CHD1: variants seen among roughly 807,000 people sequenced by gnomAD.
The protein encoded by CHD1 is ATP-dependent chromatin remodeler CHD1.
In CHD1, 36 loss-of-function variants were observed where a neutral mutation model predicts 224.2. That is an observed-to-expected ratio of 0.16 (90% CI 0.12 to 0.21). The LOEUF is 0.21. Among genes scored for constraint, CHD1 ranks in the 10% least tolerant of loss-of-function variants. CHD1 has a pLI of 1.00. For missense variants in CHD1, 1,378 were observed against 1,994.8 expected (o/e 0.69, Z 5.89); for synonymous variants, 668 against 658.3 (o/e 1.01, Z -0.23).
chr5:98,894,502 C>A, intron 13 of CHD1, 95 bp downstream of exon 13: 1 of 437,014 alleles, frequency 2.3e-6, no homozygotes, highest in Non-Finnish European at 4.3e-6. Flanking sequence ...CTTGCTGACT[C>A]ACGATTTAGG....
chr5:98,858,592 AC>A, intron 34 of CHD1: 1 of 519,574 alleles, frequency 1.9e-6, no homozygotes. Context: ...CTGAAATGTC[AC>A]AAAAACTAAA....
At chr5:98,899,268 GTTA>G (rs1292908457) in intron 8 of CHD1, among the ~76,000 whole-genome samples, 1 of 152,038 alleles carries the variant, frequency 6.6e-6, no homozygotes, top group Non-Finnish European at 1.5e-5. Flanking sequence ...TTTAATTTGT[GTTA>G]TTGTTGTTTT....
rs1273238670 is a variant in CHD1 at position 98,854,134 on chromosome 5, T to C, written c.*2246A>G. 5 of 152,000 alleles carry C rather than the reference T, an allele frequency of 3.3e-5. No individual in the cohort carries two copies. The highest frequency in any genetic ancestry group is 4.8e-5 in the African/African-American group (2 of 41,434). 9.4% of individuals were successfully genotyped at this position (152,000 alleles called of 1,614,324 possible). A position where few individuals can be genotyped will look rare whatever the true frequency, so the allele number is the denominator to read the frequency against. ...ATATTTTATGGAGAATGTTCTGCTA[T>C]ATTTATGTACTAATGTTCTTCACCA... On this transcript the variant is annotated 3_prime_UTR_variant, in exon 36 of 36. Transcript: ENST00000614616.
At chr5:98,887,646 C>G (rs1388304396) in intron 17 of CHD1, among the ~76,000 whole-genome samples, 2 of 152,046 alleles carry the variant, frequency 1.3e-5, no homozygotes, top group Non-Finnish European at 1.5e-5. Context: ...GTAAAGTTGT[C>G]TAGTTTTACT....
chr5:98,876,616 C>G, intron 23 of CHD1, 58 bp from the exon 24 acceptor site: 1 of 1,391,120 alleles, frequency 7.2e-7, no homozygotes, highest in Non-Finnish European at 1.0e-6. Context: ...ATCTTAAGAG[C>G]AAAAACCATT....
At chr5:98,868,737 C>T (rs546723689) in intron 30 of CHD1, 102 bp from the exon 31 acceptor site, 2 of 1,141,412 alleles carry the variant, frequency 1.8e-6, no homozygotes, top group Non-Finnish European at 2.4e-6. Context: ...TTTTATTCTA[C>T]AAGTGCTCAT....
intron 12 of CHD1, among the ~76,000 whole-genome samples, chr5:98,895,441 T>C (rs1464315026): frequency 6.6e-6 from 1 of 152,152 alleles, no homozygotes; most frequent in African/African-American, 2.4e-5. Context: ...CTCATGCATA[T>C]TTGAAATTTT....
chr5:98,920,606 G>C (rs1753026593), intron 2 of CHD1, among the ~76,000 whole-genome samples: 1 of 152,116 alleles, frequency 6.6e-6, no homozygotes, highest in Admixed American at 6.6e-5. Context: ...AGATCAGCCT[G>C]ACCAACACAG....
chr5:98,860,251 C>A (rs961405401), intron 32 of CHD1, 183 bp from the exon 33 acceptor site: 4 of 575,374 alleles, frequency 7.0e-6, no homozygotes, highest in African/African-American at 5.6e-5. Flanking sequence ...GACTAAGACT[C>A]CAGTGAAACT....
rs1450307619 is a variant in CHD1, at chr5:98,911,144, AAAAT to A, written c.54-6050_54-6047del. ...TGTGCTAAAATGAAAAAAAAAAAAA[AAAAT>A]ATATATATATATATATATATATATA... is the stretch of plus-strand genomic sequence containing the variant. On this transcript the variant is annotated intron_variant, in intron 2 of 35. Coordinates refer to ENST00000614616, the MANE Select transcript of CHD1 (RefSeq NM_001270.4). 7.9e-4 allele frequency among the ~76,000 whole-genome samples: 58 copies of A among 73,738 alleles called. No homozygotes were observed. The South Asian group carries it at 8.4e-3, about 11-fold the overall frequency. 48.4% of individuals were successfully genotyped at this position (73,738 alleles called of 152,430 possible).
At chr5:98,875,394 A>G (rs1016335369) in intron 24 of CHD1, among the ~76,000 whole-genome samples, 1 of 152,192 alleles carries the variant, frequency 6.6e-6, no homozygotes, top group African/African-American at 2.4e-5. Flanking sequence ...CATTATTTTC[A>G]TAAGACCAAA....
chr5:98,881,461 C>A, intron 20 of CHD1, 86 bp from the exon 21 acceptor site: 2 of 631,042 alleles, frequency 3.2e-6, no homozygotes, highest in South Asian at 2.3e-5. Flanking sequence ...CTGACATTTT[C>A]ACCTTTACAA....
In CHD1 at chr5:98,854,415, T is replaced by G. The variant is rs1268056001; in HGVS notation, c.*1965A>C. 6.6e-6 allele frequency: 1 copy of G among 152,092 alleles called. No homozygotes were observed. The highest frequency in any genetic ancestry group is 2.4e-5 in the African/African-American group (1 of 41,446). 9.4% of individuals were successfully genotyped at this position (152,092 alleles called of 1,614,324 possible). A position where few individuals can be genotyped will look rare whatever the true frequency, so the allele number is the denominator to read the frequency against. Reference sequence around the variant, plus strand: ...AAATGCCAGCCACCATCTTATGACTTAAGCATTATGAATTAGTCAAATGCT... The same window carrying G: ...AAATGCCAGCCACCATCTTATGACTGAAGCATTATGAATTAGTCAAATGCT... On this transcript the variant is annotated 3_prime_UTR_variant, in exon 36 of 36. Transcript: ENST00000614616.
chr5:98,895,160 T>C (rs1751264127), intron 12 of CHD1, among the ~76,000 whole-genome samples: 1 of 152,176 alleles, frequency 6.6e-6, no homozygotes, highest in Non-Finnish European at 1.5e-5. Context: ...TATGTAAATC[T>C]TATAAATAAA....
chr5:98,871,698 TTA>T (rs1255604266), intron 28 of CHD1, among the ~76,000 whole-genome samples: 4 of 152,182 alleles, frequency 2.6e-5, no homozygotes, highest in Admixed American at 6.5e-5. Flanking sequence ...GATTGCATCT[TTA>T]TATATTATAT....
At chr5:98,908,815 T>TAAAC (rs1394928657) in intron 2 of CHD1, among the ~76,000 whole-genome samples, 7 of 151,898 alleles carry the variant, frequency 4.6e-5, no homozygotes, top group Non-Finnish European at 7.4e-5. Context: ...AATAAATAAA[T>TAAAC]AAACCCATTG....
intron 2 of CHD1, among the ~76,000 whole-genome samples, chr5:98,906,638 A>C (rs909404877): frequency 6.6e-6 from 1 of 152,236 alleles, no homozygotes; most frequent in Non-Finnish European, 1.5e-5. Context: ...TGCTATGTTT[A>C]AGACAACTGA....
At chr5:98,924,294 ACT>A (rs1309868550) in intron 2 of CHD1, among the ~76,000 whole-genome samples, 5 of 152,058 alleles carry the variant, frequency 3.3e-5, no homozygotes, top group Admixed American at 2.0e-4. Flanking sequence ...GGACAATATG[ACT>A]CTTCTATTTA....
intron 21 of CHD1, 29 bp from the exon 22 acceptor site, chr5:98,881,200 T>C (rs367911671): frequency 7.4e-6 from 11 of 1,484,718 alleles, no homozygotes; most frequent in African/African-American, 2.8e-5. Flanking sequence ...TATTTAAATA[T>C]ACTTGAATCC....
Sources: allele counts gnomAD v4.1 joint callset (sites outside exome capture counted in the v4.1 genomes callset), GRCh38; gene constraint gnomAD v4.1.1; transcripts MANE v1.5; gene names NCBI Gene and HGNC (gene_info 2026-07-23, HGNC 2026-07-21).